UBE2E1: variants seen among roughly 807,000 people sequenced by gnomAD.
UBE2E1 encodes ubiquitin conjugating enzyme E2 E1.
UBE2E1 carries 6 observed loss-of-function variants against 21.4 expected under a neutral mutation model. The ratio of observed to expected loss-of-function variants is 0.28; its 90% CI spans 0.15 to 0.55. The LOEUF is 0.55. Among genes scored for constraint, UBE2E1 ranks in the 20% least tolerant of loss-of-function variants. UBE2E1 has a pLI of 0.93. For synonymous variants in UBE2E1, 87 were observed against 82.7 expected, an observed-to-expected ratio of 1.05 and a Z score of -0.28; for missense variants, 142 against 236.5, an observed-to-expected ratio of 0.60 and a Z score of 2.62.
intron 3 of UBE2E1, among the ~76,000 whole-genome samples, chr3:23,820,759 G>A (rs1015708823): frequency 3.3e-5 from 5 of 152,088 alleles, no homozygotes; most frequent in Admixed American, 2.0e-4. Flanking sequence ...GTAATACAAC[G>A]GAGTAGTCTT....
At position 23,836,511 on chromosome 3, in the gene UBE2E1, G is replaced by A. The variant is rs1699978649; in HGVS notation, c.203+25001G>A. On this transcript the variant is annotated intron_variant, in intron 3 of 5. Coordinates refer to ENST00000306627, the MANE Select transcript of UBE2E1 (RefSeq NM_003341.5). This position sits in a 1 kb window ranked among gnomAD's most constrained non-coding sequence, Gnocchi z 4.1. The stretch of plus-strand genomic sequence containing the variant: ...ATAGAAGAGATGTGTGTGTTCCTCT[G>A]AAAACTGCAAGGTATTTCAGTGAGG... 6.6e-6 allele frequency among the ~76,000 whole-genome samples: 1 copy of A among 152,170 alleles called. No homozygotes were observed.
chr3:23,829,676 CT>C (rs1251954068), intron 3 of UBE2E1, among the ~76,000 whole-genome samples: 1 of 151,942 alleles, frequency 6.6e-6, no homozygotes, highest in African/African-American at 2.4e-5. Flanking sequence ...TGAGGTCGAG[CT>C]AATAAGAGAA....
At chr3:23,851,920 A>C in intron 3 of UBE2E1, among the ~76,000 whole-genome samples, 1 of 152,188 alleles carries the variant, frequency 6.6e-6, no homozygotes, top group East Asian at 1.9e-4. Context: ...GGTCACAGGG[A>C]CAGACCCTTC....
intron 3 of UBE2E1, among the ~76,000 whole-genome samples, chr3:23,846,358 G>C (rs1277871272): frequency 6.6e-6 from 1 of 152,050 alleles, no homozygotes; most frequent in Non-Finnish European, 1.5e-5. Context: ...GAGGCTAGGA[G>C]TTTGAGTTCA....
At chr3:23,826,897 A>G (rs892894819) in intron 3 of UBE2E1, among the ~76,000 whole-genome samples, 1 of 152,208 alleles carries the variant, frequency 6.6e-6, no homozygotes, top group Non-Finnish European at 1.5e-5. Context: ...TTATAAAATG[A>G]AATGTAATTC....
rs1192496500 is a variant in UBE2E1 at position 23,816,132 on chromosome 3, A to C, written c.203+4622A>C. Among the ~76,000 whole-genome samples, 1 of 152,198 alleles carries C rather than the reference A, an allele frequency of 6.6e-6. No homozygotes were observed. Among genetic ancestry groups the C allele is most frequent in the Admixed American group, 6.5e-5 (1 of 15,282 alleles). On this transcript the variant is annotated intron_variant, in intron 3 of 5. Transcript: ENST00000306627. The surrounding 1 kb of genome is among the most constrained non-coding windows in gnomAD (Gnocchi z 4.8). ...GACTATATCTGGATTGTAAAACTGTACTATTGTTATTCCTCAGAAAGCTAA... is the reference window on the plus strand; with the variant it reads ...GACTATATCTGGATTGTAAAACTGTCCTATTGTTATTCCTCAGAAAGCTAA...
In UBE2E1 at chr3:23,823,810, G is replaced by A. The variant is rs1699695123; in HGVS notation, c.203+12300G>A. ...GCAGAGACTGGCAGTAAAGTTAGCA[G>A]CGTCATATACTACTTGCTAGTATAT... On this transcript the variant is annotated intron_variant, in intron 3 of 5. Coordinates refer to ENST00000306627, the MANE Select transcript of UBE2E1 (RefSeq NM_003341.5). This position sits in a 1 kb window ranked among gnomAD's most constrained non-coding sequence, Gnocchi z 4.2. Among the ~76,000 whole-genome samples the A allele has an allele frequency of 6.6e-6, 1 of 152,212 alleles. No homozygotes were observed. Among genetic ancestry groups the A allele is most frequent in the African/African-American group, 2.4e-5 (1 of 41,452 alleles).
At chr3:23,890,250 G>A (rs926132609) in intron 5 of UBE2E1, among the ~76,000 whole-genome samples, 1 of 152,146 alleles carries the variant, frequency 6.6e-6, no homozygotes, top group South Asian at 2.1e-4. Flanking sequence ...CCAATTGAGT[G>A]TTGTTTGTTG....
At position 23,839,421 on chromosome 3, in the gene UBE2E1, T is replaced by G. The variant is rs187709179; in HGVS notation, c.203+27911T>G. Among the ~76,000 whole-genome samples, 433 of 151,884 alleles carry G rather than the reference T, an allele frequency of 2.9e-3. 10 individuals carry two copies. The East Asian group carries it at 0.044, about 15-fold the overall frequency. The stretch of plus-strand genomic sequence containing the variant: ...AGAGGTTGCAGTGAGCCAAGATCAC[T>G]CCACTGTACTCCAGCCTTGGCAACA... On this transcript the variant is annotated intron_variant, in intron 3 of 5. Transcript: ENST00000306627.
At chr3:23,845,675 G>A (rs142418011) in intron 3 of UBE2E1, among the ~76,000 whole-genome samples, 84 of 150,894 alleles carry the variant, frequency 5.6e-4, no homozygotes, top group Admixed American at 1.0e-3. Context: ...CTAGGGTGGA[G>A]TTTGGCAAAG....
At chr3:23,831,671 A>G (rs978996691) in intron 3 of UBE2E1, among the ~76,000 whole-genome samples, 14 of 146,372 alleles carry the variant, frequency 9.6e-5, no homozygotes, top group Admixed American at 8.3e-4. Context: ...GGCACGTGCT[A>G]CCACACCCAG....
intron 4 of UBE2E1, chr3:23,888,298 A>G (rs1017503775): frequency 5.3e-5 from 24 of 456,616 alleles, no homozygotes; most frequent in Non-Finnish European, 8.4e-5. Context: ...CCTGTACTCA[A>G]TCTATGATTC....
At chr3:23,841,478 C>T (rs927951335) in intron 3 of UBE2E1, among the ~76,000 whole-genome samples, 8 of 151,952 alleles carry the variant, frequency 5.3e-5, no homozygotes, top group Non-Finnish European at 7.4e-5. Context: ...TCAAGCCATA[C>T]CACAAGAATA....
rs148641873 is a variant in UBE2E1, at chr3:23,887,657, C to T, written c.294C>T (p.Leu98=). 38 of 1,613,734 alleles carry T rather than the reference C, an allele frequency of 2.4e-5. No homozygotes were observed. Among genetic ancestry groups the T allele is most frequent in the African/African-American group, 5.3e-5 (4 of 74,880 alleles). The part of the protein sequence containing the change: ...GSVYEGGVFF[L]DITFTPEYPF... The stretch of plus-strand genomic sequence containing the variant: ...TGTATGAGGGTGGTGTATTCTTTCT[C>T]GATATCACTTTTACACCAGAATATC... Residue 98 remains leucine (L), a synonymous_variant, in exon 4 of 6, where the codon CTC becomes CTT. Transcript: ENST00000306627. The surrounding 1 kb of genome is among the most constrained non-coding windows in gnomAD (Gnocchi z 4.4).
At chr3:23,832,859 C>G (rs1246256347) in intron 3 of UBE2E1, among the ~76,000 whole-genome samples, 2 of 151,894 alleles carry the variant, frequency 1.3e-5, no homozygotes, top group African/African-American at 4.8e-5. Context: ...GGTGAAACCC[C>G]CATCTCTACA....
intron 3 of UBE2E1, among the ~76,000 whole-genome samples, chr3:23,839,307 C>T (rs766226973): frequency 1.5e-4 from 23 of 151,508 alleles, no homozygotes; most frequent in African/African-American, 5.3e-4. Context: ...ACTAAAAATA[C>T]AAAAAAATTA....
At chr3:23,807,715 A>T in intron 2 of UBE2E1, 1 of 261,602 alleles carries the variant, frequency 3.8e-6, no homozygotes, top group Non-Finnish European at 7.2e-6. Flanking sequence ...TTCTTGTCCT[A>T]CTAATGGTTA....
chr3:23,817,361 G>T (rs1317777274), intron 3 of UBE2E1, among the ~76,000 whole-genome samples: 3 of 149,328 alleles, frequency 2.0e-5, no homozygotes, highest in Non-Finnish European at 4.4e-5. Context: ...GGCAGAGGTT[G>T]CAGTGAGCCA....
At chr3:23,841,671 C>T (rs1028222401) in intron 3 of UBE2E1, among the ~76,000 whole-genome samples, 1 of 152,164 alleles carries the variant, frequency 6.6e-6, no homozygotes, top group South Asian at 2.1e-4. Flanking sequence ...ATTCACAGTT[C>T]TAGGATTCTG....
Sources: allele counts gnomAD v4.1 joint callset (sites outside exome capture counted in the v4.1 genomes callset), GRCh38; gene constraint gnomAD v4.1.1; non-coding constraint Gnocchi (gnomAD v3.1); transcripts MANE v1.5; gene names NCBI Gene and HGNC (gene_info 2026-07-23, HGNC 2026-07-21).